NECTIN1: variants seen among roughly 807,000 people sequenced by gnomAD.
The protein encoded by NECTIN1 is nectin-1.
NECTIN1 carries 23 observed loss-of-function variants against 48.0 expected under a neutral mutation model. The observed-to-expected ratio is 0.48, with a 90% CI of 0.34 to 0.68. The LOEUF is 0.68. Among genes scored for constraint, NECTIN1 ranks in the 30% least tolerant of loss-of-function variants. The pLI, the probability that NECTIN1 is intolerant of heterozygous loss-of-function variation, is 0.01. For synonymous variants in NECTIN1, 270 were observed against 288.9 expected (o/e 0.93, Z 0.66); for missense variants, 591 against 709.9 (o/e 0.83, Z 1.90).
At chr11:119,720,692 A>G (rs1591489658) in intron 1 of NECTIN1, among the ~76,000 whole-genome samples, 1 of 152,244 alleles carries the variant, frequency 6.6e-6, no homozygotes, top group African/African-American at 2.4e-5. Flanking sequence ...ACCAGCAGGT[A>G]TGCAGGCTTG....
intron 1 of NECTIN1, among the ~76,000 whole-genome samples, chr11:119,710,515 A>C (rs1865625591): frequency 6.6e-6 from 1 of 152,214 alleles, no homozygotes; most frequent in South Asian, 2.1e-4. Context: ...CTACGGTAGG[A>C]CTGTTCACAA....
rs939625017 is a variant in NECTIN1, at chr11:119,684,779, A to G, written c.80-6014T>C. On this transcript the variant is annotated intron_variant, in intron 1 of 5. Transcript: ENST00000264025. The surrounding 1 kb of genome is among the most constrained non-coding windows in gnomAD (Gnocchi z 5.2). The stretch of plus-strand genomic sequence containing the variant: ...GGAGGAGCGTGCAATCAGGACACCC[A>G]CTTCCTTTCTGGGGTCCCCTCCTTT... 6.6e-6 allele frequency among the ~76,000 whole-genome samples: 1 copy of G among 152,040 alleles called. No individual in the cohort carries two copies. Among genetic ancestry groups the G allele is most frequent in the South Asian group, 2.1e-4 (1 of 4,814 alleles).
chr11:119,676,989 G>C, intron 4 of NECTIN1, 113 bp downstream of exon 4: 1 of 886,514 alleles, frequency 1.1e-6, no homozygotes, highest in Non-Finnish European at 1.9e-6. Context: ...ACTGAGCCCA[G>C]ACCCTAATTT....
intron 1 of NECTIN1, among the ~76,000 whole-genome samples, chr11:119,703,772 C>T (rs1471754055): frequency 2.6e-5 from 4 of 152,220 alleles, no homozygotes; most frequent in Admixed American, 2.0e-4. Context: ...CTCTGCCACC[C>T]ACACTCTTCA....
intron 5 of NECTIN1, among the ~76,000 whole-genome samples, chr11:119,646,112 T>C (rs967094338): frequency 1.3e-5 from 2 of 152,214 alleles, no homozygotes; most frequent in Non-Finnish European, 2.9e-5. Context: ...TTCAGCCTTG[T>C]GTCTGTTCTG....
chr11:119,651,275 G>T (rs980858389), intron 5 of NECTIN1, among the ~76,000 whole-genome samples: 2 of 152,160 alleles, frequency 1.3e-5, no homozygotes, highest in African/African-American at 4.8e-5. Flanking sequence ...CCAGCCAGCT[G>T]GGGGCTCCAA....
At chr11:119,698,844 A>T (rs1865387435) in intron 1 of NECTIN1, among the ~76,000 whole-genome samples, 1 of 152,166 alleles carries the variant, frequency 6.6e-6, no homozygotes, top group South Asian at 2.1e-4. Flanking sequence ...CTGCAAGCTG[A>T]GACCATTCCT....
At position 119,705,561 on chromosome 11, in the gene NECTIN1, C is replaced by T. The variant is rs554039822; in HGVS notation, c.79+22914G>A. Among the ~76,000 whole-genome samples, 26 of 152,296 alleles carry T rather than the reference C, an allele frequency of 1.7e-4. No homozygotes were observed. The South Asian group carries it at 4.8e-3, about 28-fold the overall frequency. The stretch of plus-strand genomic sequence containing the variant: ...GACAGCAGGTGCAAAGGCCCCGTGG[C>T]GGGAGAGCGTCTGGTAACTGTGGCC... On this transcript the variant is annotated intron_variant, in intron 1 of 5. Coordinates refer to ENST00000264025, the MANE Select transcript of NECTIN1 (RefSeq NM_002855.5).
In NECTIN1 at chr11:119,677,232, G is replaced by A. The variant is rs750748089; in HGVS notation, c.734-13C>T. 1.7e-5 allele frequency: 28 copies of A among 1,608,646 alleles called. No homozygotes were observed. Among genetic ancestry groups the A allele is most frequent in the Non-Finnish European group, 2.3e-5 (27 of 1,175,182 alleles). ...ACCTCAGGCTCATCTGTGGGGCAAG[G>A]GATGTTTGAAGAGGGTGAGGTCAGG... On this transcript the variant is annotated splice_polypyrimidine_tract_variant and intron_variant, in intron 3 of 5. Coordinates refer to ENST00000264025, the MANE Select transcript of NECTIN1 (RefSeq NM_002855.5). The surrounding 1 kb of genome is among the most constrained non-coding windows in gnomAD (Gnocchi z 5.4).
chr11:119,728,166 C>G (rs920817394), intron 1 of NECTIN1, among the ~76,000 whole-genome samples: 2 of 152,256 alleles, frequency 1.3e-5, no homozygotes, highest in Admixed American at 1.3e-4. Flanking sequence ...AAACTGCTTC[C>G]CGAGCAGAGA....
intron 5 of NECTIN1, among the ~76,000 whole-genome samples, chr11:119,655,783 C>A (rs1864563786): frequency 6.6e-6 from 1 of 152,134 alleles, no homozygotes; most frequent in African/African-American, 2.4e-5. Flanking sequence ...CCTGTGGCAT[C>A]AGGGCTTACT....
At chr11:119,715,829 G>C (rs1865734839) in intron 1 of NECTIN1, among the ~76,000 whole-genome samples, 1 of 152,186 alleles carries the variant, frequency 6.6e-6, no homozygotes, top group Non-Finnish European at 1.5e-5. Context: ...TAGCATTCCT[G>C]CTTGAAAGAG....
intron 6 of NECTIN1, chr11:119,638,888 C>T: frequency 1.6e-6 from 2 of 1,261,820 alleles, no homozygotes; most frequent in Non-Finnish European, 2.3e-6. Context: ...GCTACCGGTC[C>T]CTGAGCCCCA....
chr11:119,711,100 G>A (rs560545970), intron 1 of NECTIN1, among the ~76,000 whole-genome samples: 2 of 10,636 alleles, frequency 1.9e-4, no homozygotes, highest in African/African-American at 5.7e-4. Context: ...AAAGGGGCAC[G>A]GGAGGCTGGC....
chr11:119,693,405 T>C (rs1865293553), intron 1 of NECTIN1, among the ~76,000 whole-genome samples: 1 of 152,244 alleles, frequency 6.6e-6, no homozygotes, highest in Non-Finnish European at 1.5e-5. Flanking sequence ...TCCATTTACA[T>C]GTAAAATCTC....
At position 119,672,190 on chromosome 11, in the gene NECTIN1, T is replaced by C. The variant is rs1864869966; in HGVS notation, c.1003+2969A>G. Among the ~76,000 whole-genome samples, 1 of 152,124 alleles carries C rather than the reference T, an allele frequency of 6.6e-6. No individual in the cohort carries two copies. The highest frequency in any genetic ancestry group is 1.5e-5 in the Non-Finnish European group (1 of 68,008). On this transcript the variant is annotated intron_variant, in intron 5 of 5. Transcript: ENST00000264025. The surrounding 1 kb of genome is among the most constrained non-coding windows in gnomAD (Gnocchi z 4.3). The stretch of plus-strand genomic sequence containing the variant: ...GACGCCCTGCACCCTGGGATGGACA[T>C]CCTACACCCTGGCAGCCTCCCTGTC...
At position 119,652,101 on chromosome 11, in the gene NECTIN1, T is replaced by G. The variant is rs754149503; in HGVS notation, c.1004-12089A>C. On this transcript the variant is annotated intron_variant, in intron 5 of 7. Transcript: ENST00000341398. ...CCTGCCCTTCTCTTCCAACCCATTA[T>G]AGTCAACAGGGAAAATCCCATTTGG... Among the ~76,000 whole-genome samples the G allele has an allele frequency of 2.0e-5, 3 of 152,210 alleles. No homozygotes were observed. In the East Asian group the frequency reaches 5.8e-4, roughly 29 times the overall value.
chr11:119,652,606 G>A (rs1262109619), intron 5 of NECTIN1, among the ~76,000 whole-genome samples: 2 of 152,164 alleles, frequency 1.3e-5, no homozygotes, highest in Non-Finnish European at 2.9e-5. Flanking sequence ...TTAGTCATGG[G>A]GAAATGCAAA....
Position 119,661,299 on chromosome 11 carries a change from A to G in NECTIN1, c.*3448T>C, listed in dbSNP as rs958833933. 1.7e-4 allele frequency: 167 copies of G among 985,838 alleles called. No homozygotes were observed. Among genetic ancestry groups the G allele is most frequent in the Non-Finnish European group, 1.9e-4 (157 of 829,978 alleles). The allele number at this position is 985,838 out of a possible 1,614,324, so 61.1% of individuals were successfully genotyped here. On this transcript the variant is annotated 3_prime_UTR_variant, in exon 6 of 6. Coordinates refer to ENST00000264025, the MANE Select transcript of NECTIN1 (RefSeq NM_002855.5). ...TCCTCACAGCAGGGGTCAGAAGAGC[A>G]GCAGCACCGAGTGGGACAGGGGCTC...
Sources: allele counts gnomAD v4.1 joint callset (sites outside exome capture counted in the v4.1 genomes callset), GRCh38; gene constraint gnomAD v4.1.1; non-coding constraint Gnocchi (gnomAD v3.1); transcripts MANE v1.5; gene names NCBI Gene and HGNC (gene_info 2026-07-23, HGNC 2026-07-21).